VEGFA: variants seen among roughly 807,000 people sequenced by gnomAD.
The protein encoded by VEGFA is vascular endothelial growth factor A, also known as vascular endothelial growth factor A, long form.
VEGFA carries 20 observed loss-of-function variants against 49.7 expected under a neutral mutation model. That is an observed-to-expected ratio of 0.40 (90% CI 0.28 to 0.58). The LOEUF (loss-of-function observed/expected upper bound fraction) is 0.58. VEGFA is among the 20% of genes least tolerant of loss of function. The pLI is 0.40. For synonymous variants in VEGFA, 219 were observed against 223.4 expected, an observed-to-expected ratio of 0.98 and a Z score of 0.18; for missense variants, 505 against 553.5, an observed-to-expected ratio of 0.91 and a Z score of 0.88.
At chr6:43,782,472 A>G in intron 7 of VEGFA, 1 of 336,412 alleles carries the variant, frequency 3.0e-6, no homozygotes, top group Non-Finnish European at 5.8e-6. Context: ...AGCCGATTCC[A>G]GGTGTGGACA....
rs1474788318 is a variant in VEGFA at position 43,782,073 on chromosome 6, C to T, written c.1152C>T (p.Asn384=). 22 of 1,613,782 alleles carry T rather than the reference C, an allele frequency of 1.4e-5. No individual in the cohort carries two copies. The highest frequency in any genetic ancestry group is 3.3e-5 in the Admixed American group (2 of 60,004). Residue 384 remains asparagine (N), a synonymous_variant, in exon 7 of 8, where the codon AAC becomes AAT. Transcript: ENST00000672860. ...GCAAGGCGAGGCAGCTTGAGTTAAA[C>T]GAACGTACTTGCAGGTTGGTTCCCA... is the stretch of plus-strand genomic sequence containing the variant.
chr6:43,775,464 C>A (rs996832442), intron 2 of VEGFA: 3 of 152,202 alleles, frequency 2.0e-5, no homozygotes, highest in Admixed American at 1.3e-4. Flanking sequence ...ATGAAGGATG[C>A]GGGTGAGGTT....
At chr6:43,781,897 T>G (rs1012567923) in intron 6 of VEGFA, 59 bp from the exon 7 acceptor site, 65 of 1,607,010 alleles carry the variant, frequency 4.0e-5, no homozygotes, top group Non-Finnish European at 5.4e-5. Flanking sequence ...ATGGTGATTT[T>G]TTTTCTCTCT....
rs922497594 is a variant in VEGFA at position 43,777,074 on chromosome 6, T to A, written c.659-395T>A. On this transcript the variant is annotated intron_variant, in intron 2 of 7. Coordinates refer to ENST00000672860, the MANE Select transcript of VEGFA (RefSeq NM_003376.6). The surrounding 1 kb of genome is among the most constrained non-coding windows in gnomAD (Gnocchi z 4.3). ...GGGGAGGACGTAGGAAACTGGAGAC[T>A]AGCTTGGCAAAGCTGGCTCTTCCTC... 8 of 354,038 alleles carry A rather than the reference T, an allele frequency of 2.3e-5. No homozygotes were observed. Among genetic ancestry groups the A allele is most frequent in the African/African-American group, 1.5e-4 (7 of 47,014 alleles). The allele number at this position is 354,038 out of a possible 1,614,324, so 21.9% of individuals were successfully genotyped here. A position where few individuals can be genotyped will look rare whatever the true frequency, so the allele number is the denominator to read the frequency against.
intron 1 of VEGFA, 43 bp downstream of exon 1, chr6:43,771,355 G>C (rs761708568): frequency 4.6e-5 from 72 of 1,581,474 alleles, no homozygotes; most frequent in Non-Finnish European, 6.1e-5. Flanking sequence ...CGCTGCGAGC[G>C]CCTCTCCCGG....
At chr6:43,779,903 G>T in intron 5 of VEGFA, 1 of 331,454 alleles carries the variant, frequency 3.0e-6, no homozygotes, top group Non-Finnish European at 6.2e-6. Context: ...CCCCCTTCCT[G>T]TTTCCCCAAA....
Position 43,777,804 on chromosome 6 carries a change from G to A in VEGFA, c.855+139G>A. ...CTGAGTTGCACAGGGGAGGTATGGT[G>A]GGGTCTTGCCTTCTGTGGAGAAGAT... On this transcript the variant is annotated intron_variant, in intron 3 of 7. Transcript: ENST00000672860. This position sits in a 1 kb window ranked among gnomAD's most constrained non-coding sequence, Gnocchi z 4.3. 2 of 908,436 alleles carry A rather than the reference G, an allele frequency of 2.2e-6. No individual in the cohort carries two copies. Among genetic ancestry groups the A allele is most frequent in the South Asian group, 1.7e-5 (1 of 59,592 alleles). 56.3% of individuals were successfully genotyped at this position (908,436 alleles called of 1,614,324 possible). A position where few individuals can be genotyped will look rare whatever the true frequency, so the allele number is the denominator to read the frequency against.
In VEGFA at chr6:43,771,255, T is replaced by G. The variant is rs751447901; in HGVS notation, c.549T>G (p.Phe183Leu). The G allele has an allele frequency of 5.0e-6, 8 of 1,607,358 alleles. No individual in the cohort carries two copies. Among genetic ancestry groups the G allele is most frequent in the Non-Finnish European group, 6.8e-6 (8 of 1,177,636 alleles). ...GTCGGGCCTCCGAAACCATGAACTT[T>G]CTGCTGTCTTGGGTGCATTGGAGCC... The change falls in exon 1 of 8, where the codon TTT becomes TTG. Residue 183 changes from phenylalanine to leucine, a missense_variant. By Grantham distance (22) the Phe-to-Leu change is conservative. This residue lies in a region of VEGFA where 340 missense variants were observed against 321.8 expected (regional missense o/e 1.06). Transcript: ENST00000672860.
intron 5 of VEGFA, 74 bp from the exon 6 acceptor site, chr6:43,780,658 T>C (rs1767240638): frequency 4.3e-6 from 6 of 1,409,486 alleles, no homozygotes; most frequent in Middle Eastern, 2.1e-4. Flanking sequence ...CCCCCATCCC[T>C]GCCCACCTTA....
At chr6:43,778,402 C>T in intron 3 of VEGFA, 58 bp from the exon 4 acceptor site, 1 of 1,507,666 alleles carries the variant, frequency 6.6e-7, no homozygotes, top group Non-Finnish European at 9.2e-7. Context: ...AGGGTTGTCC[C>T]ATCTGGGTAT....
chr6:43,780,742 C>T lies in VEGFA; in HGVS notation c.973C>T (p.Arg325Ter), dbSNP rs45533131. 2.3e-5 allele frequency: 37 copies of T among 1,575,894 alleles called. No homozygotes were observed. Among genetic ancestry groups the T allele is most frequent in the Non-Finnish European group, 3.0e-5 (35 of 1,156,678 alleles). ...TTTTTTATTTTCCAGAAAATCAGTT[C>T]GAGGAAAGGGAAAGGGGCAAAAACG... is the stretch of plus-strand genomic sequence containing the variant. Residue 325 changes from arginine to a stop codon, truncating the protein, a stop_gained, in exon 6 of 8, where the codon CGA becomes TGA. Coordinates refer to ENST00000672860, the MANE Select transcript of VEGFA (RefSeq NM_003376.6). LOFTEE classifies it high-confidence loss of function.
intron 1 of VEGFA, 190 bp from the exon 2 acceptor site, chr6:43,774,151 C>T (rs1314082019): frequency 1.2e-5 from 8 of 653,424 alleles, no homozygotes; most frequent in African/African-American, 5.4e-5. Flanking sequence ...ATAACCATAG[C>T]AGTCCAGGAG....
chr6:43,774,327 C>T lies in VEGFA; in HGVS notation c.607-14C>T. 6.2e-7 allele frequency: 1 copy of T among 1,614,102 alleles called. No homozygotes were observed. Among genetic ancestry groups the T allele is most frequent in the Non-Finnish European group, 8.5e-7 (1 of 1,180,020 alleles). ...CCTGCCCATGCCCATGCCTTGCTCT[C>T]TTTCTGTCCTCAGTGGTCCCAGGCT... On this transcript the variant is annotated splice_polypyrimidine_tract_variant and intron_variant, in intron 1 of 7. Transcript: ENST00000672860.
chr6:43,777,691 A>AG lies in VEGFA; in HGVS notation c.855+33dup, dbSNP rs759307029. On this transcript the variant is annotated intron_variant, in intron 3 of 7. Coordinates refer to ENST00000672860, the MANE Select transcript of VEGFA (RefSeq NM_003376.6). The surrounding 1 kb of genome is among the most constrained non-coding windows in gnomAD (Gnocchi z 4.3). The stretch of plus-strand genomic sequence containing the variant: ...GTGGGCATCTTTGGGAAGTGGGGCA[A>AG]GGGGGGGATAGGGAGGGGGGTAACA... 19 of 734,348 alleles carry AG rather than the reference A, an allele frequency of 2.6e-5. No individual in the cohort carries two copies. Among genetic ancestry groups the AG allele is most frequent in the African/African-American group, 1.4e-4 (7 of 51,430 alleles). 45.5% of individuals were successfully genotyped at this position (734,348 alleles called of 1,614,324 possible).
intron 5 of VEGFA, chr6:43,780,512 G>T: frequency 1.6e-6 from 1 of 616,372 alleles, no homozygotes; most frequent in South Asian, 1.9e-5. Flanking sequence ...GGTGGGCAGC[G>T]TGAGGAGAAG....
chr6:43,781,448 C>A (rs1582524459), intron 6 of VEGFA: 1 of 249,380 alleles, frequency 4.0e-6, no homozygotes, highest in East Asian at 1.0e-4. Context: ...TGTGGTGGGC[C>A]CTGCCCTGGG....
rs983415847 is a variant in VEGFA at position 43,781,374 on chromosome 6, G to A, written c.1034+571G>A. On this transcript the variant is annotated intron_variant, in intron 6 of 7. Transcript: ENST00000672860. ...CCTCTGGAGGGGAGCCCCCTATTCC[G>A]GCCCAACCCATGGCACCCACAGAGG... The A allele has an allele frequency of 6.1e-5, 15 of 244,382 alleles. No individual in the cohort carries two copies. In the South Asian group the frequency reaches 6.3e-4, roughly 10 times the overall value. 15.1% of individuals were successfully genotyped at this position (244,382 alleles called of 1,614,324 possible). A position where few individuals can be genotyped will look rare whatever the true frequency, so the allele number is the denominator to read the frequency against.
At chr6:43,776,286 G>T (rs1765388298) in intron 2 of VEGFA, 1 of 152,236 alleles carries the variant, frequency 6.6e-6, no homozygotes, top group African/African-American at 2.4e-5. Flanking sequence ...CTCCTCACTG[G>T]CCAGGTGTTA....
chr6:43,770,677 C>T lies in VEGFA; in HGVS notation c.-30C>T, dbSNP rs1763257319. On this transcript the variant is annotated 5_prime_UTR_variant, in exon 1 of 8. Transcript: ENST00000672860. ...CGCCGGAGCGCGGCGTGAGCCCTCC[C>T]CCTTGGGATCCCGCAGCTGACCAGT... is the stretch of plus-strand genomic sequence containing the variant. The T allele has an allele frequency of 6.5e-7, 1 of 1,537,114 alleles. No individual in the cohort carries two copies. Among genetic ancestry groups the T allele is most frequent in the Non-Finnish European group, 8.7e-7 (1 of 1,154,352 alleles).
Sources: allele counts gnomAD v4.1 joint callset, GRCh38; gene constraint gnomAD v4.1.1; regional missense constraint gnomAD v4.1.1; non-coding constraint Gnocchi (gnomAD v3.1); transcripts MANE v1.5; gene names NCBI Gene and HGNC (gene_info 2026-07-23, HGNC 2026-07-21).